The following FAM193A variants were observed in gnomAD, a reference collection of about 807,000 sequenced individuals.
FAM193A encodes protein FAM193A.
A neutral mutation model predicts 126.5 loss-of-function variants in FAM193A; 22 were observed. That is an observed-to-expected ratio of 0.17 (90% CI 0.12 to 0.25). FAM193A has a LOEUF of 0.25. Ranked by LOEUF, FAM193A falls within the 10% of genes least tolerant of loss-of-function variation. The pLI, the probability that FAM193A is intolerant of heterozygous loss-of-function variation, is 1.00. For missense variants in FAM193A, 1,675 were observed against 1,672.8 expected (o/e 1.00, Z -0.02); for synonymous variants, 761 against 646.8 (o/e 1.18, Z -2.68).
At chr4:2,649,501 T>A (rs746783064) in intron 7 of FAM193A, among the ~76,000 whole-genome samples, 1 of 151,854 alleles carries the variant, frequency 6.6e-6, no homozygotes, top group Non-Finnish European at 1.5e-5. Context: ...AGATAGACCT[T>A]GTCTCTACAA....
In FAM193A at chr4:2,628,913, C is replaced by T. The variant is rs369067089; in HGVS notation, c.804-2022C>T. Among the ~76,000 whole-genome samples, 6 of 149,276 alleles carry T rather than the reference C, an allele frequency of 4.0e-5. 1 individual carries two copies. The highest frequency in any genetic ancestry group is 2.0e-4 in the East Asian group (1 of 5,064). ...TGTCACCCAGGGTGGAGTGCAGTGG[C>T]GCAGTCTTGGCTCACTGCAAGCTCC... On this transcript the variant is annotated intron_variant, in intron 4 of 20. Coordinates refer to ENST00000637812, the MANE Select transcript of FAM193A (RefSeq NM_001366318.2).
At chr4:2,578,308 C>T (rs1739723768) in intron 1 of FAM193A, among the ~76,000 whole-genome samples, 1 of 151,982 alleles carries the variant, frequency 6.6e-6, no homozygotes, top group East Asian at 1.9e-4. Flanking sequence ...GCATTGCCTG[C>T]TTTATTTTGC....
At chr4:2,540,328 C>T (rs1280657217) in intron 1 of FAM193A, among the ~76,000 whole-genome samples, 6 of 151,526 alleles carry the variant, frequency 4.0e-5, no homozygotes, top group South Asian at 4.2e-4. Context: ...ATTAGCCGGG[C>T]GTGGTGGCGG....
intron 1 of FAM193A, among the ~76,000 whole-genome samples, chr4:2,583,603 G>A (rs1577038366): frequency 6.6e-6 from 1 of 152,122 alleles, no homozygotes; most frequent in Admixed American, 6.6e-5. Flanking sequence ...TGAGTGCCAC[G>A]GAGAAAGAGC....
At chr4:2,589,938 C>A (rs1039566920) in intron 1 of FAM193A, among the ~76,000 whole-genome samples, 2 of 151,428 alleles carry the variant, frequency 1.3e-5, no homozygotes, top group African/African-American at 4.9e-5. Flanking sequence ...AATTTGAGAT[C>A]AGCCTGACCG....
At chr4:2,720,647 TAAAA>T (rs200511084) in intron 20 of FAM193A, among the ~76,000 whole-genome samples, 1 of 118,842 alleles carries the variant, frequency 8.4e-6, no homozygotes, top group Non-Finnish European at 1.8e-5. Context: ...AGACTCTGTC[TAAAA>T]AAAAAAAAAA....
At chr4:2,716,883 C>G (rs1020705032) in intron 20 of FAM193A, among the ~76,000 whole-genome samples, 2 of 152,132 alleles carry the variant, frequency 1.3e-5, no homozygotes, top group African/African-American at 4.8e-5. Context: ...ACCGTGGTTA[C>G]CAGACTGGTC....
intron 2 of FAM193A, among the ~76,000 whole-genome samples, chr4:2,624,926 C>T (rs1015429765): frequency 6.6e-6 from 1 of 152,162 alleles, no homozygotes. Context: ...GGCATGATCA[C>T]GGCTGACTAT....
At chr4:2,544,968 A>G (rs1448496617) in intron 1 of FAM193A, among the ~76,000 whole-genome samples, 1 of 151,872 alleles carries the variant, frequency 6.6e-6, no homozygotes, top group Non-Finnish European at 1.5e-5. Context: ...TGTATCCTTT[A>G]AAAGGATTTT....
chr4:2,699,592 T>C (rs1428065438), intron 18 of FAM193A, 88 bp from the exon 19 acceptor site: 2 of 1,317,754 alleles, frequency 1.5e-6, no homozygotes, highest in Non-Finnish European at 2.1e-6. Context: ...CATATGTGAT[T>C]CGTTTTTGAA....
At chr4:2,556,474 G>T (rs1381284822) in intron 1 of FAM193A, among the ~76,000 whole-genome samples, 4 of 152,160 alleles carry the variant, frequency 2.6e-5, no homozygotes, top group Admixed American at 2.0e-4. Flanking sequence ...AAAGTGCTGG[G>T]ATTACAGGCG....
At chr4:2,543,735 G>A (rs1737373524) in intron 1 of FAM193A, among the ~76,000 whole-genome samples, 1 of 151,816 alleles carries the variant, frequency 6.6e-6, no homozygotes, top group Admixed American at 6.6e-5. Flanking sequence ...ACGAGCGCCT[G>A]TAATCTCAGC....
Position 2,625,288 on chromosome 4 carries a change from G to A in FAM193A, c.528G>A (p.Ser176=), listed in dbSNP as rs879386273. 22 of 702,724 alleles carry A rather than the reference G, an allele frequency of 3.1e-5. 1 individual carries two copies. Among genetic ancestry groups the A allele is most frequent in the Non-Finnish European group, 4.7e-5 (18 of 384,830 alleles). 43.5% of individuals were successfully genotyped at this position (702,724 alleles called of 1,614,324 possible). ...GCCAAGATTTTCTTCTTCACTCCTC[G>A]CTTGGTGGCTCCCAGCCAGAGGCCG... ...PVSQDFLLHS[S]LGGSQPEAGS... Residue 176 remains serine, a synonymous_variant, in exon 3 of 21, where the codon TCG becomes TCA. Transcript: ENST00000637812.
At chr4:2,678,685 G>A (rs1714736821) in intron 13 of FAM193A, among the ~76,000 whole-genome samples, 1 of 152,142 alleles carries the variant, frequency 6.6e-6, no homozygotes, top group African/African-American at 2.4e-5. Context: ...TTTTGATGCT[G>A]TCGTGAATGG....
At chr4:2,660,367 C>T (rs973190036) in intron 10 of FAM193A, among the ~76,000 whole-genome samples, 11 of 152,190 alleles carry the variant, frequency 7.2e-5, no homozygotes, top group African/African-American at 1.7e-4. Flanking sequence ...ACCAGTCCGC[C>T]GTCTGTCCTG....
chr4:2,542,285 G>A (rs992811676), intron 1 of FAM193A, among the ~76,000 whole-genome samples: 1 of 152,060 alleles, frequency 6.6e-6, no homozygotes, highest in East Asian at 1.9e-4. Flanking sequence ...GATTACAGGC[G>A]TGAGCAACCA....
chr4:2,714,464 T>C (rs1719330019), intron 19 of FAM193A, among the ~76,000 whole-genome samples: 1 of 152,144 alleles, frequency 6.6e-6, no homozygotes, highest in East Asian at 1.9e-4. Context: ...AGGTTGACTT[T>C]CCCAGGCCTT....
At chr4:2,706,831 A>T (rs1003624861) in intron 19 of FAM193A, among the ~76,000 whole-genome samples, 1 of 151,418 alleles carries the variant, frequency 6.6e-6, no homozygotes, top group African/African-American at 2.4e-5. Context: ...GGCTCCATTT[A>T]AAAAAAGCTT....
intron 7 of FAM193A, among the ~76,000 whole-genome samples, chr4:2,654,238 T>G (rs1415052079): frequency 6.6e-6 from 1 of 152,112 alleles, no homozygotes; most frequent in African/African-American, 2.4e-5. Flanking sequence ...TTTGTTTGTT[T>G]GAGATGGAGT....
Sources: gnomAD v4.1 joint callset for allele counts (sites outside exome capture counted in the v4.1 genomes callset) on GRCh38, gnomAD v4.1.1 for gene constraint, MANE v1.5 for transcripts, NCBI Gene and HGNC (gene_info 2026-07-23, HGNC 2026-07-21) for gene names.